ATPSCKMT: variants seen among roughly 807,000 people sequenced by gnomAD.
ATPSCKMT encodes ATP synthase subunit C lysine N-methyltransferase.
Under a neutral mutation model 24.3 loss-of-function variants are expected in ATPSCKMT, and 24 were observed. The observed-to-expected ratio is 0.99, with a 90% CI of 0.71 to 1.39. The LOEUF (loss-of-function observed/expected upper bound fraction) is 1.39, where lower values mean the gene tolerates loss of function less well. Ranked by LOEUF, ATPSCKMT falls within the 40% of genes most tolerant of loss-of-function variation. ATPSCKMT has a pLI of 0.00. For synonymous variants in ATPSCKMT, 95 were observed against 110.5 expected (o/e 0.86, Z 0.88); for missense variants, 311 against 298.4 (o/e 1.04, Z -0.31).
At chr5:10,235,729 C>A (rs1440976757) in intron 3 of ATPSCKMT, among the ~76,000 whole-genome samples, 1 of 147,806 alleles carries the variant, frequency 6.8e-6, no homozygotes, top group Admixed American at 7.2e-5. Flanking sequence ...CTCCTCTTCT[C>A]TAAAATACTA....
intron 2 of ATPSCKMT, among the ~76,000 whole-genome samples, chr5:10,238,791 T>C (rs970126267): frequency 2.6e-5 from 4 of 152,238 alleles, no homozygotes; most frequent in East Asian, 1.9e-4. Flanking sequence ...TGTTGGCCCA[T>C]GTATTTTAAG....
intron 1 of ATPSCKMT, among the ~76,000 whole-genome samples, chr5:10,249,002 G>A (rs957518546): frequency 6.6e-6 from 1 of 152,144 alleles, no homozygotes; most frequent in Non-Finnish European, 1.5e-5. Context: ...GCCGGGCACC[G>A]CGGTGGCTCA....
intron 1 of ATPSCKMT, among the ~76,000 whole-genome samples, chr5:10,245,374 C>G (rs1022544498): frequency 6.6e-6 from 1 of 152,000 alleles, no homozygotes; most frequent in South Asian, 2.1e-4. Flanking sequence ...GATCCGAGAC[C>G]GCGCCACTGC....
chr5:10,248,971 C>T (rs558747197), intron 1 of ATPSCKMT, among the ~76,000 whole-genome samples: 2 of 152,154 alleles, frequency 1.3e-5, no homozygotes, highest in Non-Finnish European at 2.9e-5. Context: ...CAGCATAATA[C>T]AGGGCTTAAG....
chr5:10,227,673 T>C lies in ATPSCKMT; in HGVS notation c.496-26A>G, dbSNP rs753348157. 6.8e-6 allele frequency: 11 copies of C among 1,609,270 alleles called. No individual in the cohort carries two copies. In the African/African-American group the frequency reaches 1.3e-4, roughly 20 times the overall value. Reference sequence around the variant, plus strand: ...CTGTGGAGAGTAACAGCTATTATTTTAGTGAGCAGTGAGTCAGAGGAAATG... The same window carrying C: ...CTGTGGAGAGTAACAGCTATTATTTCAGTGAGCAGTGAGTCAGAGGAAATG... On this transcript the variant is annotated intron_variant, in intron 4 of 4. Coordinates refer to ENST00000511437, the MANE Select transcript of ATPSCKMT (RefSeq NM_199133.4).
chr5:10,245,343 C>T (rs1031570948), intron 1 of ATPSCKMT, among the ~76,000 whole-genome samples: 1 of 152,146 alleles, frequency 6.6e-6, no homozygotes, highest in Non-Finnish European at 1.5e-5. Context: ...TGGCGTGAAC[C>T]TGGAAGGCGG....
chr5:10,234,535 G>A (rs1489643555), intron 4 of ATPSCKMT, among the ~76,000 whole-genome samples: 2 of 152,114 alleles, frequency 1.3e-5, no homozygotes, highest in Non-Finnish European at 2.9e-5. Flanking sequence ...CTATATCACA[G>A]CATTTTAGCA....
chr5:10,245,027 A>G (rs147276903), intron 1 of ATPSCKMT, among the ~76,000 whole-genome samples: 1 of 152,330 alleles, frequency 6.6e-6, no homozygotes, highest in East Asian at 1.9e-4. Flanking sequence ...TTTGGGTTAC[A>G]CAGTTCTGGA....
chr5:10,245,234 C>CA (rs2126465951), intron 1 of ATPSCKMT, among the ~76,000 whole-genome samples: 1 of 151,498 alleles, frequency 6.6e-6, no homozygotes, highest in Admixed American at 6.6e-5. Context: ...TCCTGGCTAA[C>CA]ACAGTGAAAC....
intron 4 of ATPSCKMT, among the ~76,000 whole-genome samples, chr5:10,230,607 T>A (rs775557559): frequency 2.0e-5 from 3 of 152,208 alleles, no homozygotes; most frequent in African/African-American, 4.8e-5. Context: ...CGTAAAGGAA[T>A]TCAAAATTAT....
In ATPSCKMT at chr5:10,227,474, T is replaced by C. The variant is rs374135138; in HGVS notation, c.669A>G (p.Thr223=). Residue 223 remains threonine, a synonymous_variant, in exon 5 of 5, where the codon ACA becomes ACG. Coordinates refer to ENST00000511437, the MANE Select transcript of ATPSCKMT (RefSeq NM_199133.4). ...GAATGGGCAGCTGGAAATGCATCGATGTACAGGGCCTCTTTTCACGGCCTC... is the reference window on the plus strand; with the variant it reads ...GAATGGGCAGCTGGAAATGCATCGACGTACAGGGCCTCTTTTCACGGCCTC... ...TFRGREKRPC[T]SMHFQLPIQA 3.7e-6 allele frequency: 6 copies of C among 1,614,060 alleles called. No homozygotes were observed. The African/African-American group carries it at 4.0e-5, about 11-fold the overall frequency.
intron 1 of ATPSCKMT, among the ~76,000 whole-genome samples, chr5:10,244,245 C>T (rs1744779155): frequency 6.6e-6 from 1 of 152,128 alleles, no homozygotes; most frequent in African/African-American, 2.4e-5. Flanking sequence ...GATCATAGAT[C>T]ACCATAACAG....
At chr5:10,249,709 TG>T (rs1325422187) in intron 1 of ATPSCKMT, 148 bp downstream of exon 1, 4 of 1,285,952 alleles carry the variant, frequency 3.1e-6, no homozygotes, top group Non-Finnish European at 3.1e-6. Context: ...CCAGGAGCTC[TG>T]GTCACCGAAG....
At chr5:10,231,121 G>C (rs988036108) in intron 4 of ATPSCKMT, among the ~76,000 whole-genome samples, 1 of 152,068 alleles carries the variant, frequency 6.6e-6, no homozygotes, top group East Asian at 1.9e-4. Flanking sequence ...GCGTGTGGCA[G>C]GATGGCCCGG....
At chr5:10,233,946 T>C (rs6880482) in intron 4 of ATPSCKMT, among the ~76,000 whole-genome samples, 26,486 of 152,216 alleles carry the variant, frequency 0.17, 3,793 homozygotes, top group East Asian at 0.76. Flanking sequence ...TCATTTCACT[T>C]CTATAAGAAA....
At chr5:10,248,141 T>C (rs1000430343) in intron 1 of ATPSCKMT, among the ~76,000 whole-genome samples, 7 of 152,262 alleles carry the variant, frequency 4.6e-5, no homozygotes, top group Non-Finnish European at 1.0e-4. Flanking sequence ...CATTGTGCAC[T>C]TGTATGTGCA....
chr5:10,232,976 T>C (rs1561027076), intron 4 of ATPSCKMT, among the ~76,000 whole-genome samples: 2 of 152,238 alleles, frequency 1.3e-5, no homozygotes, highest in Non-Finnish European at 2.9e-5. Flanking sequence ...CCAGATGGGA[T>C]TCCTGCTCCT....
chr5:10,246,348 T>C (rs1744926563), intron 1 of ATPSCKMT, among the ~76,000 whole-genome samples: 1 of 151,674 alleles, frequency 6.6e-6, no homozygotes, highest in Non-Finnish European at 1.5e-5. Context: ...GGCAAGAGAA[T>C]CACCTGAACC....
intron 3 of ATPSCKMT, 124 bp downstream of exon 3, chr5:10,236,354 C>A: frequency 8.4e-7 from 1 of 1,194,236 alleles, no homozygotes. Flanking sequence ...TTCATTATGC[C>A]AGAATATTCA....
Sources: allele counts gnomAD v4.1 joint callset (sites outside exome capture counted in the v4.1 genomes callset), GRCh38; gene constraint gnomAD v4.1.1; transcripts MANE v1.5; gene names NCBI Gene and HGNC (gene_info 2026-07-23, HGNC 2026-07-21).